The following STXBP5L variants were observed in gnomAD, a reference collection of about 807,000 sequenced individuals.
The protein encoded by STXBP5L is syntaxin binding protein 5L.
A neutral mutation model predicts 144.5 loss-of-function variants in STXBP5L; 65 were observed. That is an observed-to-expected ratio of 0.45 (90% CI 0.37 to 0.55). STXBP5L has a LOEUF of 0.55. STXBP5L is among the 20% of genes least tolerant of loss of function. STXBP5L has a pLI of 0.00. For synonymous variants in STXBP5L, 505 were observed against 469.6 expected, an observed-to-expected ratio of 1.08 and a Z score of -0.97; for missense variants, 1,298 against 1,405.5, an observed-to-expected ratio of 0.92 and a Z score of 1.22.
intron 20 of STXBP5L, among the ~76,000 whole-genome samples, chr3:121,338,618 G>A (rs2044595373): frequency 1.5e-5 from 2 of 137,904 alleles, no homozygotes; most frequent in African/African-American, 2.7e-5. Flanking sequence ...AAGAGAGAAA[G>A]AGAGAAAGAA....
chr3:120,942,175 T>G (rs988846145), intron 2 of STXBP5L, among the ~76,000 whole-genome samples: 1 of 151,732 alleles, frequency 6.6e-6, no homozygotes, highest in South Asian at 2.1e-4. Context: ...AAAAGATATT[T>G]TATTAGCAGC....
At chr3:121,210,345 A>G (rs1366722838) in intron 10 of STXBP5L, among the ~76,000 whole-genome samples, 1 of 151,816 alleles carries the variant, frequency 6.6e-6, no homozygotes, top group Non-Finnish European at 1.5e-5. Flanking sequence ...TTGTCAGATG[A>G]GTAGATTGCA....
At chr3:121,204,339 G>A (rs1286405319) in intron 9 of STXBP5L, among the ~76,000 whole-genome samples, 1 of 152,104 alleles carries the variant, frequency 6.6e-6, no homozygotes, top group African/African-American at 2.4e-5. Context: ...TTTTACATAT[G>A]GCACAGTATG....
chr3:121,286,659 A>C (rs948142602), intron 19 of STXBP5L, among the ~76,000 whole-genome samples: 4 of 152,196 alleles, frequency 2.6e-5, no homozygotes, highest in African/African-American at 2.4e-5. Flanking sequence ...ATTTAAGTGA[A>C]GTTTTGCAAG....
At chr3:121,381,559 T>C in intron 22 of STXBP5L, 27 bp downstream of exon 22, 1 of 1,575,710 alleles carries the variant, frequency 6.3e-7, no homozygotes, top group Non-Finnish European at 8.6e-7. Flanking sequence ...ATTCATTCCT[T>C]CACTGTTACT....
At chr3:121,235,560 A>C (rs1194151133) in intron 12 of STXBP5L, among the ~76,000 whole-genome samples, 1 of 152,012 alleles carries the variant, frequency 6.6e-6, no homozygotes, top group Non-Finnish European at 1.5e-5. Flanking sequence ...GCTATTATCA[A>C]ATTCTAAATT....
intron 10 of STXBP5L, among the ~76,000 whole-genome samples, chr3:121,218,023 G>T (rs1253349833): frequency 7.0e-6 from 1 of 142,232 alleles, no homozygotes; most frequent in Non-Finnish European, 1.5e-5. Flanking sequence ...ATATACTATA[G>T]TATAATATAC....
chr3:121,401,264 C>T (rs893104269), intron 22 of STXBP5L, among the ~76,000 whole-genome samples: 3 of 152,118 alleles, frequency 2.0e-5, no homozygotes, highest in South Asian at 2.1e-4. Flanking sequence ...TAGGGCACCA[C>T]GATTGCTTTC....
chr3:121,302,980 T>C (rs1271139731), intron 19 of STXBP5L, among the ~76,000 whole-genome samples: 1 of 152,170 alleles, frequency 6.6e-6, no homozygotes. Context: ...GGCAAGGACT[T>C]CATGTGTAAA....
intron 2 of STXBP5L, among the ~76,000 whole-genome samples, chr3:120,910,673 T>A (rs1308792797): frequency 1.3e-5 from 2 of 152,170 alleles, no homozygotes; most frequent in African/African-American, 4.8e-5. Context: ...TTTTTAAAAA[T>A]ACTTTCACAA....
chr3:121,207,578 A>C (rs2048387494), intron 10 of STXBP5L, among the ~76,000 whole-genome samples: 3 of 152,176 alleles, frequency 2.0e-5, no homozygotes, highest in Admixed American at 2.0e-4. Flanking sequence ...TTTGCAATCT[A>C]CTCATCTGAC....
chr3:121,203,357 G>A (rs948291785), intron 9 of STXBP5L, among the ~76,000 whole-genome samples: 1 of 152,026 alleles, frequency 6.6e-6, no homozygotes, highest in African/African-American at 2.4e-5. Flanking sequence ...AGTAAAACCA[G>A]TTTTAATCTC....
intron 8 of STXBP5L, among the ~76,000 whole-genome samples, 186 bp from the exon 9 acceptor site, chr3:121,157,318 A>C (rs1343518299): frequency 6.6e-6 from 1 of 152,144 alleles, no homozygotes; most frequent in Admixed American, 6.5e-5. Context: ...TTAATTGGCT[A>C]TGTGAGGAGG....
chr3:121,334,707 AT>A (rs1410339076), intron 20 of STXBP5L, among the ~76,000 whole-genome samples: 1 of 152,180 alleles, frequency 6.6e-6, no homozygotes, highest in East Asian at 1.9e-4. Flanking sequence ...AATAAATGTG[AT>A]TCATCATAAA....
intron 5 of STXBP5L, among the ~76,000 whole-genome samples, chr3:121,112,806 A>G (rs1249941174): frequency 6.6e-6 from 1 of 152,218 alleles, no homozygotes; most frequent in Non-Finnish European, 1.5e-5. Context: ...GGTGGTAGAA[A>G]TAAGTTACAA....
At chr3:121,093,999 A>C (rs931173952) in intron 5 of STXBP5L, among the ~76,000 whole-genome samples, 1 of 152,194 alleles carries the variant, frequency 6.6e-6, no homozygotes, top group East Asian at 1.9e-4. Context: ...TTCAAAGAAC[A>C]TCTTTATTTC....
intron 7 of STXBP5L, among the ~76,000 whole-genome samples, chr3:121,129,688 C>G (rs989930515): frequency 6.6e-6 from 1 of 152,046 alleles, no homozygotes; most frequent in Non-Finnish European, 1.5e-5. Context: ...ATTTTTCATG[C>G]TCTCAGTCAT....
intron 5 of STXBP5L, among the ~76,000 whole-genome samples, chr3:121,100,811 G>C (rs535265863): frequency 1.3e-5 from 2 of 151,378 alleles, no homozygotes; most frequent in Non-Finnish European, 3.0e-5. Flanking sequence ...AAAAAAAGTT[G>C]GTTCTTTGAA....
intron 18 of STXBP5L, among the ~76,000 whole-genome samples, chr3:121,275,781 A>G (rs1302520791): frequency 2.0e-5 from 3 of 152,064 alleles, no homozygotes; most frequent in Non-Finnish European, 4.4e-5. Context: ...TTCTCCCTAT[A>G]TATCTCTCAA....
Sources: gnomAD v4.1 joint callset for allele counts (sites outside exome capture counted in the v4.1 genomes callset) on GRCh38, gnomAD v4.1.1 for gene constraint, MANE v1.5 for transcripts, NCBI Gene and HGNC (gene_info 2026-07-23, HGNC 2026-07-21) for gene names.